TFCP2: variants seen among roughly 807,000 people sequenced by gnomAD.
TFCP2 encodes the protein transcription factor CP2, also known as alpha-globin transcription factor CP2.
Under a neutral mutation model 73.4 loss-of-function variants are expected in TFCP2, and 33 were observed. The observed-to-expected ratio is 0.45, with a 90% CI of 0.34 to 0.60. The LOEUF is 0.60. Among genes scored for constraint, TFCP2 ranks in the 20% least tolerant of loss-of-function variants. The pLI is 0.01. For synonymous variants in TFCP2, 193 were observed against 211.6 expected, an observed-to-expected ratio of 0.91 and a Z score of 0.76; for missense variants, 352 against 604.0, an observed-to-expected ratio of 0.58 and a Z score of 4.37.
In TFCP2 at chr12:51,094,394, T is replaced by C. The variant is rs1000597975; in HGVS notation, c.*847A>G. 4 of 152,222 alleles carry C rather than the reference T, an allele frequency of 2.6e-5. No individual in the cohort carries two copies. 9.4% of individuals were successfully genotyped at this position (152,222 alleles called of 1,614,324 possible). On this transcript the variant is annotated 3_prime_UTR_variant, in exon 15 of 15. Transcript: ENST00000257915. Reference sequence around the variant, plus strand: ...ATTCCTCAGTTCATACTCAGTGTTATGTTGTAGTCACCAGAAGGGCCACAG... The same window carrying C: ...ATTCCTCAGTTCATACTCAGTGTTACGTTGTAGTCACCAGAAGGGCCACAG...
Position 51,109,152 on chromosome 12 carries a change from T to C in TFCP2, c.686A>G (p.His229Arg), listed in dbSNP as rs1482550617. ...AACTTTGATCTGGCAGCTGGCCGAGTGTAAGTGCTCAGTATATTCCCCGTT... is the reference window on the plus strand; with the variant it reads ...AACTTTGATCTGGCAGCTGGCCGAGCGTAAGTGCTCAGTATATTCCCCGTT... ...NENGEYTEHLHSASCQIKVFK... is the reference protein window; with the variant it reads ...NENGEYTEHLRSASCQIKVFK... The change falls in exon 6 of 15, where the codon CAC becomes CGC. Residue 229 changes from histidine (H) to arginine (R), a missense_variant. Physicochemically the swap from His to Arg is conservative, Grantham distance 29. Transcript: ENST00000257915. 1 of 1,614,132 alleles carries C rather than the reference T, an allele frequency of 6.2e-7. No individual in the cohort carries two copies. The highest frequency in any genetic ancestry group is 8.5e-7 in the Non-Finnish European group (1 of 1,180,012).
intron 1 of TFCP2, among the ~76,000 whole-genome samples, chr12:51,146,291 C>T (rs1031519587): frequency 2.0e-5 from 3 of 151,652 alleles, no homozygotes; most frequent in East Asian, 3.9e-4. Context: ...CTGGGTGACA[C>T]GGCGAGATCC....
At chr12:51,109,715 A>AT (rs10531546) in intron 5 of TFCP2, among the ~76,000 whole-genome samples, 8 of 135,238 alleles carry the variant, frequency 5.9e-5, no homozygotes, top group African/African-American at 1.9e-4. Context: ...AGATTGGTGA[A>AT]TTTTTTTTTT....
intron 1 of TFCP2, among the ~76,000 whole-genome samples, chr12:51,165,945 G>A (rs935840940): frequency 6.6e-6 from 1 of 152,078 alleles, no homozygotes. Context: ...CCGGGAGTTC[G>A]AAGCTGCAGT....
At chr12:51,111,338 G>A (rs1181988634) in intron 4 of TFCP2, among the ~76,000 whole-genome samples, 4 of 151,782 alleles carry the variant, frequency 2.6e-5, no homozygotes, top group Non-Finnish European at 5.9e-5. Context: ...TAGAGATGGG[G>A]TTTCACCATG....
At chr12:51,163,403 A>G (rs547922295) in intron 1 of TFCP2, among the ~76,000 whole-genome samples, 1 of 152,278 alleles carries the variant, frequency 6.6e-6, no homozygotes, top group East Asian at 1.9e-4. Flanking sequence ...CAGCCTGACC[A>G]ATGTGGCAAA....
intron 4 of TFCP2, among the ~76,000 whole-genome samples, chr12:51,115,785 T>C (rs917576877): frequency 2.0e-5 from 3 of 152,144 alleles, no homozygotes; most frequent in Non-Finnish European, 4.4e-5. Flanking sequence ...AAGTGAAAAA[T>C]GCCAGTCACA....
intron 1 of TFCP2, among the ~76,000 whole-genome samples, chr12:51,145,008 C>T (rs1941263225): frequency 6.6e-6 from 1 of 152,168 alleles, no homozygotes; most frequent in African/African-American, 2.4e-5. Flanking sequence ...CGAGACCAGC[C>T]TGGCTAACAT....
intron 9 of TFCP2, 67 bp from the exon 10 acceptor site, chr12:51,103,830 T>G (rs1387257954): frequency 8.0e-7 from 1 of 1,252,824 alleles, no homozygotes; most frequent in African/African-American, 1.5e-5. Context: ...AGGTAACACA[T>G]AGCCAAACAC....
chr12:51,152,763 T>C (rs1941455521), intron 1 of TFCP2, among the ~76,000 whole-genome samples: 1 of 152,236 alleles, frequency 6.6e-6, no homozygotes, highest in African/African-American at 2.4e-5. Flanking sequence ...TATACAAGTC[T>C]GAAATTATTT....
At chr12:51,106,280 A>G (rs1940237803) in intron 8 of TFCP2, among the ~76,000 whole-genome samples, 1 of 152,106 alleles carries the variant, frequency 6.6e-6, no homozygotes, top group South Asian at 2.1e-4. Context: ...CATAAATGCT[A>G]CTTTCTAGTG....
At chr12:51,131,196 G>A (rs536107121) in intron 1 of TFCP2, among the ~76,000 whole-genome samples, 1 of 150,782 alleles carries the variant, frequency 6.6e-6, no homozygotes, top group African/African-American at 2.4e-5. Context: ...TTAGCTGGGT[G>A]TGGTGGCGGG....
At chr12:51,171,436 G>A (rs866093569) in intron 1 of TFCP2, among the ~76,000 whole-genome samples, 14 of 152,186 alleles carry the variant, frequency 9.2e-5, no homozygotes, top group South Asian at 6.2e-4. Context: ...GGAGTGCAAT[G>A]ACACCATCTC....
rs185073989 is a variant in TFCP2 at position 51,157,450 on chromosome 12, G to A, written c.122+14851C>T. 2.8e-5 allele frequency among the ~76,000 whole-genome samples: 4 copies of A among 143,414 alleles called. No homozygotes were observed. In the East Asian group the frequency reaches 7.8e-4, roughly 28 times the overall value. The allele number at this position is 143,414 out of a possible 152,430, so 94.1% of individuals were successfully genotyped here. A position where few individuals can be genotyped will look rare whatever the true frequency, so the allele number is the denominator to read the frequency against. ...TCTGCCTCAGCCTTCCGAGTAGCTAGGACTACAGGAATGTGTTATTTTTTT... is the reference window on the plus strand; with the variant it reads ...TCTGCCTCAGCCTTCCGAGTAGCTAAGACTACAGGAATGTGTTATTTTTTT... On this transcript the variant is annotated intron_variant, in intron 1 of 14. Transcript: ENST00000257915.
intron 1 of TFCP2, among the ~76,000 whole-genome samples, chr12:51,136,312 A>G (rs868544062): frequency 1.4e-4 from 22 of 151,854 alleles, no homozygotes; most frequent in Middle Eastern, 3.4e-3. Context: ...TAAAAAAAAA[A>G]AAAAAGAAAA....
chr12:51,165,518 ATATGATCC>A (rs1000094972), intron 1 of TFCP2, among the ~76,000 whole-genome samples: 1 of 152,086 alleles, frequency 6.6e-6, no homozygotes, highest in Non-Finnish European at 1.5e-5. Context: ...AAGGACAAAT[ATATGATCC>A]CACGTATATG....
chr12:51,109,096 G>C (rs1254630032), intron 6 of TFCP2, 25 bp downstream of exon 6: 2 of 1,605,624 alleles, frequency 1.2e-6, no homozygotes, highest in Non-Finnish European at 1.7e-6. Flanking sequence ...AAGAATCCAA[G>C]GGCCAGCACA....
intron 1 of TFCP2, among the ~76,000 whole-genome samples, chr12:51,131,227 A>AG (rs1482719139): frequency 6.8e-6 from 1 of 147,668 alleles, no homozygotes; most frequent in Non-Finnish European, 1.5e-5. Context: ...CCCAGCTACT[A>AG]GGGAGACTGA....
At chr12:51,166,296 G>T (rs928970082) in intron 1 of TFCP2, among the ~76,000 whole-genome samples, 4 of 151,128 alleles carry the variant, frequency 2.6e-5, no homozygotes, top group African/African-American at 9.7e-5. Flanking sequence ...TGGGCAACAA[G>T]ATCGAAAACT....
Sources: allele counts gnomAD v4.1 joint callset (sites outside exome capture counted in the v4.1 genomes callset), GRCh38; gene constraint gnomAD v4.1.1; transcripts MANE v1.5; gene names NCBI Gene and HGNC (gene_info 2026-07-23, HGNC 2026-07-21).